Variants in GPD1 observed in about 807,000 individuals in gnomAD.
The protein encoded by GPD1 is glycerol-3-phosphate dehydrogenase [NAD(+)], cytoplasmic.
Under a neutral mutation model 34.4 loss-of-function variants are expected in GPD1, and 19 were observed. That is an observed-to-expected ratio of 0.55 (90% CI 0.39 to 0.81). The LOEUF is 0.81. GPD1 is among the 30% of genes least tolerant of loss of function. The pLI is 0.00. For missense variants in GPD1, 429 were observed against 447.0 expected (o/e 0.96, Z 0.36); for synonymous variants, 172 against 174.1 (o/e 0.99, Z 0.09).
chr12:50,106,493 C>T (rs1950979860), intron 4 of GPD1, 67 bp downstream of exon 4: 5 of 1,369,646 alleles, frequency 3.7e-6, no homozygotes, highest in Non-Finnish European at 5.2e-6. Context: ...ACTGCCCCAA[C>T]CCCACTTAGC....
In GPD1 at chr12:50,107,804, G is replaced by A; in HGVS notation, c.846+4G>A. 1 of 1,600,932 alleles carries A rather than the reference G, an allele frequency of 6.2e-7. No individual in the cohort carries two copies. The highest frequency in any genetic ancestry group is 8.6e-7 in the Non-Finnish European group (1 of 1,168,032). ...GGCCTTTGCGCGTACAGGAAAGGTG[G>A]GCCCCGGGAGAAGGGAGAACAGAGG... On this transcript the variant is annotated splice_donor_region_variant and intron_variant, in intron 6 of 7. Transcript: ENST00000301149.
At chr12:50,107,824 CAG>C in intron 6 of GPD1, 24 bp downstream of exon 6, 1 of 1,540,528 alleles carries the variant, frequency 6.5e-7, no homozygotes, top group Non-Finnish European at 9.0e-7. Context: ...GAAGGGAGAA[CAG>C]AGGGGCGGCT....
chr12:50,108,879 G>A (rs1240860555), intron 7 of GPD1, among the ~76,000 whole-genome samples: 1 of 152,188 alleles, frequency 6.6e-6, no homozygotes, highest in Non-Finnish European at 1.5e-5. Flanking sequence ...TCTCACACCT[G>A]TAATCCCAGC....
At chr12:50,104,377 C>A (rs1489735864) in intron 1 of GPD1, 197 bp from the exon 2 acceptor site, 2 of 710,028 alleles carry the variant, frequency 2.8e-6, no homozygotes, top group Admixed American at 4.0e-5. Context: ...TCTCTAGTAG[C>A]AAAGGGTGAG....
intron 2 of GPD1, 185 bp from the exon 3 acceptor site, chr12:50,105,363 T>TA: frequency 4.9e-6 from 3 of 609,374 alleles, no homozygotes. Context: ...GGAGACAGAG[T>TA]GGTAGCTGGG....
rs1376981109 is a variant in GPD1 at position 50,107,583 on chromosome 12, G to T, written c.629G>T (p.Gly210Val). 6.2e-7 allele frequency: 1 copy of T among 1,614,042 alleles called. No homozygotes were observed. Among genetic ancestry groups the T allele is most frequent in the Non-Finnish European group, 8.5e-7 (1 of 1,179,936 alleles). Residue 210 changes from glycine to valine, a missense_variant, in exon 6 of 8, where the codon GGG becomes GTG. Transcript: ENST00000301149. Reference protein sequence around the residue: ...CGALKNVVAVGAGFCDGLGFG... With the variant: ...CGALKNVVAVVAGFCDGLGFG... ...TCCTTCAAGAATGTAGTGGCCGTGGGGGCTGGCTTCTGTGATGGCCTGGGC... is the reference window on the plus strand; with the variant it reads ...TCCTTCAAGAATGTAGTGGCCGTGGTGGCTGGCTTCTGTGATGGCCTGGGC...
At chr12:50,104,891 C>T (rs1266869696) in intron 2 of GPD1, 140 bp downstream of exon 2, 14 of 650,722 alleles carry the variant, frequency 2.2e-5, no homozygotes, top group Non-Finnish European at 3.7e-5. Flanking sequence ...GAGGGCTGCT[C>T]TGGGCCCTTT....
chr12:50,105,733 T>A, intron 3 of GPD1, 45 bp downstream of exon 3: 1 of 1,595,952 alleles, frequency 6.3e-7, no homozygotes, highest in South Asian at 1.1e-5. Context: ...TGCGGCTCAC[T>A]GTTGTGGGGT....
chr12:50,107,109 C>T (rs1950984347), intron 5 of GPD1, 192 bp downstream of exon 5: 1 of 695,396 alleles, frequency 1.4e-6, no homozygotes, highest in Non-Finnish European at 2.6e-6. Context: ...GATTATTCAT[C>T]ATCAGACCGT....
At position 50,105,927 on chromosome 12, in the gene GPD1, G is replaced by A. The variant is rs1235628067; in HGVS notation, c.360+239G>A. The A allele has an allele frequency of 4.3e-6, 3 of 689,758 alleles. No homozygotes were observed. The East Asian group carries it at 8.3e-5, about 19-fold the overall frequency. The allele number at this position is 689,758 out of a possible 1,614,324, so 42.7% of individuals were successfully genotyped here. Reference sequence around the variant, plus strand: ...GAGGTCCTCTCGGGGAGTTTCGGAGGTATAAAGGAATGCCTGGGAGATATG... The same window carrying A: ...GAGGTCCTCTCGGGGAGTTTCGGAGATATAAAGGAATGCCTGGGAGATATG... On this transcript the variant is annotated intron_variant, in intron 3 of 7. Coordinates refer to ENST00000301149, the MANE Select transcript of GPD1 (RefSeq NM_005276.4).
chr12:50,110,106 C>T lies in GPD1; in HGVS notation c.*587C>T, dbSNP rs1951011949. 2.0e-5 allele frequency: 3 copies of T among 152,820 alleles called. No individual in the cohort carries two copies. In the South Asian group the frequency reaches 6.2e-4, roughly 32 times the overall value. 9.5% of individuals were successfully genotyped at this position (152,820 alleles called of 1,614,324 possible). ...TCAAACAAACCCCTTTTAGCTTCTC[C>T]TAGCAACATCTGTGTCCTCAGAAAC... On this transcript the variant is annotated 3_prime_UTR_variant, in exon 8 of 8. Coordinates refer to ENST00000301149, the MANE Select transcript of GPD1 (RefSeq NM_005276.4).
chr12:50,105,964 G>A (rs1010061555), intron 3 of GPD1: 57 of 666,398 alleles, frequency 8.6e-5, no homozygotes, highest in Non-Finnish European at 1.5e-4. Context: ...GAAGCGGGCT[G>A]GTTTGAGAAG....
chr12:50,106,401 T>C lies in GPD1; in HGVS notation c.474T>C (p.Asp158=). 1 of 1,613,696 alleles carries C rather than the reference T, an allele frequency of 6.2e-7. No individual in the cohort carries two copies. The highest frequency in any genetic ancestry group is 8.5e-7 in the Non-Finnish European group (1 of 1,179,866). ...MGANIASEVA[D]EKFCETTIGC... is the part of the protein sequence containing the mutation. ...CCAACATTGCCAGCGAGGTGGCTGA[T>C]GAGAAGTTCTGTGAGACAACCATTG... Residue 158 remains aspartate, a synonymous_variant, in exon 4 of 8, where the codon GAT becomes GAC. Transcript: ENST00000301149.
rs190652551 is a variant in GPD1 at position 50,108,242 on chromosome 12, G to A, written c.953+112G>A. 2.7e-5 allele frequency: 19 copies of A among 693,648 alleles called. No individual in the cohort carries two copies. The Admixed American group carries it at 3.7e-4, about 14-fold the overall frequency. The allele number at this position is 693,648 out of a possible 1,614,324, so 43.0% of individuals were successfully genotyped here. A position where few individuals can be genotyped will look rare whatever the true frequency, so the allele number is the denominator to read the frequency against. ...ATCTGTGAAGTGGACAGAAAGGGGA[G>A]TATTACCTTACATTTCAGACAGAGT... is the stretch of plus-strand genomic sequence containing the variant. On this transcript the variant is annotated intron_variant, in intron 7 of 7. Coordinates refer to ENST00000301149, the MANE Select transcript of GPD1 (RefSeq NM_005276.4).
chr12:50,104,879 A>T, intron 2 of GPD1, 128 bp downstream of exon 2: 1 of 641,464 alleles, frequency 1.6e-6, no homozygotes, highest in East Asian at 3.2e-5. Context: ...GGAAGGTCTC[A>T]GGAGGGCTGC....
At chr12:50,109,121 CGA>C (rs1342868103) in intron 7 of GPD1, among the ~76,000 whole-genome samples, 1 of 122,098 alleles carries the variant, frequency 8.2e-6, no homozygotes, top group African/African-American at 3.2e-5. Context: ...GGCGACAGAG[CGA>C]GAGTCTGTCT....
chr12:50,107,024 G>A (rs1329970014), intron 5 of GPD1, 107 bp downstream of exon 5: 5 of 748,492 alleles, frequency 6.7e-6, no homozygotes, highest in South Asian at 2.9e-5. Context: ...ATTGAGCAGT[G>A]GTTCCCCTTT....
chr12:50,105,593 C>T lies in GPD1; in HGVS notation c.265C>T (p.Leu89=), dbSNP rs758135465. The T allele has an allele frequency of 2.6e-5, 42 of 1,614,178 alleles. No homozygotes were observed. The highest frequency in any genetic ancestry group is 3.6e-5 in the Non-Finnish European group (42 of 1,180,024). Residue 89 remains leucine, a synonymous_variant, in exon 3 of 8, where the codon CTG becomes TTG. Coordinates refer to ENST00000301149, the MANE Select transcript of GPD1 (RefSeq NM_005276.4). ...CCAGGCTGCAGAGGATGCTGACATC[C>T]TGATCTTTGTGGTGCCCCATCAGTT... The part of the protein sequence containing the change: ...VVQAAEDADI[L]IFVVPHQFIG...
chr12:50,107,460 C>T (rs1950988855), intron 5 of GPD1, 107 bp from the exon 6 acceptor site: 2 of 887,548 alleles, frequency 2.3e-6, no homozygotes, highest in South Asian at 2.6e-5. Context: ...CACACTATAC[C>T]TCTCTTCTGC....
Sources: allele counts gnomAD v4.1 joint callset (sites outside exome capture counted in the v4.1 genomes callset), GRCh38; gene constraint gnomAD v4.1.1; transcripts MANE v1.5; gene names NCBI Gene and HGNC (gene_info 2026-07-23, HGNC 2026-07-21).